The following LUZP2 variants were observed in gnomAD, a reference collection of about 807,000 sequenced individuals.
LUZP2 encodes the protein leucine zipper protein 2.
A neutral mutation model predicts 51.6 loss-of-function variants in LUZP2; 52 were observed. The observed-to-expected ratio is 1.01, with a 90% confidence interval of 0.81 to 1.27. The LOEUF (loss-of-function observed/expected upper bound fraction) is 1.27, where lower values mean the gene tolerates loss of function less well. Among genes scored for constraint, LUZP2 ranks in the 50% most tolerant of loss-of-function variants. The pLI, the probability that LUZP2 is intolerant of heterozygous loss-of-function variation, is 0.00. For missense variants in LUZP2, 436 were observed against 395.4 expected (o/e 1.10, Z -0.87); for synonymous variants, 154 against 137.3 (o/e 1.12, Z -0.85).
At chr11:24,818,621 A>G (rs1850260274) in intron 5 of LUZP2, among the ~76,000 whole-genome samples, 2 of 151,992 alleles carry the variant, frequency 1.3e-5, no homozygotes, top group African/African-American at 2.4e-5. Context: ...AATTATGGGA[A>G]GTTTTACTTT....
intron 1 of LUZP2, among the ~76,000 whole-genome samples, chr11:24,560,852 C>A (rs1286600818): frequency 6.6e-6 from 1 of 152,096 alleles, no homozygotes; most frequent in African/African-American, 2.4e-5. Flanking sequence ...ACATAGTTTG[C>A]AGATTAATTG....
chr11:24,505,831 TA>T (rs1482463835), intron 1 of LUZP2, among the ~76,000 whole-genome samples: 1 of 151,870 alleles, frequency 6.6e-6, no homozygotes, highest in Non-Finnish European at 1.5e-5. Context: ...GAAAAAAAAA[TA>T]AAGAAAGACA....
chr11:24,896,989 C>G (rs1853085657), intron 5 of LUZP2, among the ~76,000 whole-genome samples: 1 of 152,148 alleles, frequency 6.6e-6, no homozygotes, highest in African/African-American at 2.4e-5. Flanking sequence ...AATCAATACT[C>G]TGTGTCTAGC....
intron 1 of LUZP2, among the ~76,000 whole-genome samples, chr11:24,683,820 T>A (rs1292087943): frequency 6.6e-6 from 1 of 152,270 alleles, no homozygotes; most frequent in Non-Finnish European, 1.5e-5. Context: ...TCTATTATGA[T>A]AAATCTCAGT....
chr11:24,742,633 A>G (rs1859224975), intron 4 of LUZP2, among the ~76,000 whole-genome samples: 2 of 151,996 alleles, frequency 1.3e-5, no homozygotes, highest in Admixed American at 6.6e-5. Flanking sequence ...ATTTTCTTCC[A>G]ATCTGTGTGT....
intron 1 of LUZP2, among the ~76,000 whole-genome samples, chr11:24,583,045 C>T (rs767380076): frequency 4.6e-5 from 7 of 152,076 alleles, no homozygotes; most frequent in African/African-American, 1.4e-4. Flanking sequence ...TTGTAGTCAA[C>T]TCTTCATTAT....
At chr11:24,538,913 T>C (rs2133841539) in intron 1 of LUZP2, among the ~76,000 whole-genome samples, 1 of 136,610 alleles carries the variant, frequency 7.3e-6, no homozygotes, top group East Asian at 2.0e-4. Flanking sequence ...ATGGTGTCCA[T>C]GACACATATT....
At chr11:24,989,869 G>T (rs1167770667) in intron 9 of LUZP2, among the ~76,000 whole-genome samples, 5 of 152,044 alleles carry the variant, frequency 3.3e-5, no homozygotes, top group Non-Finnish European at 5.9e-5. Context: ...CTAAAATCAG[G>T]TTGTTTTTTT....
At chr11:24,914,039 A>T (rs1468523646) in intron 6 of LUZP2, among the ~76,000 whole-genome samples, 1 of 152,130 alleles carries the variant, frequency 6.6e-6, no homozygotes, top group Non-Finnish European at 1.5e-5. Context: ...CTTGCTTCCG[A>T]TCACATTTGC....
At chr11:24,538,195 G>A (rs958921593) in intron 1 of LUZP2, among the ~76,000 whole-genome samples, 6 of 151,594 alleles carry the variant, frequency 4.0e-5, no homozygotes, top group East Asian at 1.9e-4. Context: ...AAGGAATAAG[G>A]TCATAATTTT....
intron 5 of LUZP2, among the ~76,000 whole-genome samples, chr11:24,839,952 C>A (rs115465313): frequency 1.3e-5 from 2 of 151,672 alleles, no homozygotes; most frequent in Non-Finnish European, 3.0e-5. Context: ...ATTATTCTCT[C>A]AAATATCATG....
chr11:24,754,917 G>A (rs1196894546), intron 4 of LUZP2, among the ~76,000 whole-genome samples: 2 of 152,124 alleles, frequency 1.3e-5, no homozygotes, highest in Non-Finnish European at 2.9e-5. Flanking sequence ...GGGGCGAGGT[G>A]GGTGGATCGC....
chr11:25,015,128 A>G (rs551394085), intron 9 of LUZP2, among the ~76,000 whole-genome samples: 4 of 152,288 alleles, frequency 2.6e-5, no homozygotes, highest in African/African-American at 7.2e-5. Context: ...TATTAATATT[A>G]TATTGAGTAG....
At chr11:24,820,851 C>T (rs1850337246) in intron 5 of LUZP2, among the ~76,000 whole-genome samples, 1 of 152,094 alleles carries the variant, frequency 6.6e-6, no homozygotes, top group Non-Finnish European at 1.5e-5. Context: ...AGACAAGTCT[C>T]CTCTTCAGAT....
At chr11:25,027,964 C>A (rs1857543913) in intron 9 of LUZP2, among the ~76,000 whole-genome samples, 2 of 151,888 alleles carry the variant, frequency 1.3e-5, no homozygotes, top group South Asian at 4.1e-4. Context: ...GAGTTCAAAT[C>A]TATCAACTAG....
At chr11:25,045,188 C>T (rs1370122760) in intron 9 of LUZP2, among the ~76,000 whole-genome samples, 4 of 150,572 alleles carry the variant, frequency 2.7e-5, no homozygotes, top group African/African-American at 9.8e-5. Context: ...GCACATGTGC[C>T]CTAAAACTTA....
At chr11:24,887,709 C>T (rs1310815235) in intron 5 of LUZP2, among the ~76,000 whole-genome samples, 1 of 152,212 alleles carries the variant, frequency 6.6e-6, no homozygotes, top group Non-Finnish European at 1.5e-5. Flanking sequence ...TACCTTCTAA[C>T]TCCTATTGCT....
At chr11:24,880,923 G>T (rs1479028801) in intron 5 of LUZP2, among the ~76,000 whole-genome samples, 1 of 152,022 alleles carries the variant, frequency 6.6e-6, no homozygotes, top group Non-Finnish European at 1.5e-5. Context: ...AAATGTATCT[G>T]TACTATGGAA....
intron 5 of LUZP2, among the ~76,000 whole-genome samples, chr11:24,833,710 G>T (rs200930539): frequency 7.1e-6 from 1 of 141,418 alleles, no homozygotes; most frequent in South Asian, 2.2e-4. Flanking sequence ...CACCGCGCGC[G>T]CGCACACACA....
Sources: allele counts gnomAD v4.1 joint callset (sites outside exome capture counted in the v4.1 genomes callset), GRCh38; gene constraint gnomAD v4.1.1; transcripts MANE v1.5; gene names NCBI Gene and HGNC (gene_info 2026-07-23, HGNC 2026-07-21).